CNTNAP2: variants seen among roughly 807,000 people sequenced by gnomAD.
CNTNAP2 encodes contactin-associated protein-like 2.
Under a neutral mutation model 155.2 loss-of-function variants are expected in CNTNAP2, and 98 were observed. That is an observed-to-expected ratio of 0.63 (90% confidence interval 0.54 to 0.75). The LOEUF (loss-of-function observed/expected upper bound fraction) is 0.75, where lower values mean the gene tolerates loss of function less well. Among genes scored for constraint, CNTNAP2 ranks in the 30% least tolerant of loss-of-function variants. The pLI is 0.00. For missense variants in CNTNAP2, 1,727 were observed against 1,688.1 expected (o/e 1.02, Z -0.40); for synonymous variants, 651 against 631.2 (o/e 1.03, Z -0.47).
chr7:148,129,785 C>A (rs749742452), intron 16 of CNTNAP2, among the ~76,000 whole-genome samples: 2 of 152,198 alleles, frequency 1.3e-5, no homozygotes, highest in Non-Finnish European at 1.5e-5. Flanking sequence ...ATGAACAATT[C>A]GGCAAACCTG....
At chr7:147,863,050 A>C (rs1799164517) in intron 13 of CNTNAP2, among the ~76,000 whole-genome samples, 1 of 152,030 alleles carries the variant, frequency 6.6e-6, no homozygotes. Context: ...CATTTATTTT[A>C]GGTATTTCTC....
intron 1 of CNTNAP2, among the ~76,000 whole-genome samples, chr7:146,738,519 C>A (rs966269699): frequency 6.6e-6 from 1 of 151,740 alleles, no homozygotes; most frequent in African/African-American, 2.4e-5. Flanking sequence ...ATGTTTCATG[C>A]GTTCCCATTT....
intron 12 of CNTNAP2, among the ~76,000 whole-genome samples, chr7:147,631,018 A>C (rs1245877250): frequency 6.6e-6 from 1 of 152,184 alleles, no homozygotes; most frequent in African/African-American, 2.4e-5. Context: ...GAATCTGTAA[A>C]GAGGAAATTA....
At chr7:147,767,547 T>A (rs1271324907) in intron 13 of CNTNAP2, among the ~76,000 whole-genome samples, 1 of 152,140 alleles carries the variant, frequency 6.6e-6, no homozygotes, top group Non-Finnish European at 1.5e-5. Flanking sequence ...TTTATTTTAC[T>A]GCTTATTATT....
chr7:146,359,911 C>T (rs769109724), intron 1 of CNTNAP2, among the ~76,000 whole-genome samples: 14 of 152,078 alleles, frequency 9.2e-5, no homozygotes, highest in South Asian at 2.1e-4. Context: ...CCCTTTTAAT[C>T]CAGAGTAAAG....
At chr7:147,706,743 C>T (rs1283912311) in intron 13 of CNTNAP2, among the ~76,000 whole-genome samples, 4 of 152,142 alleles carry the variant, frequency 2.6e-5, no homozygotes, top group Non-Finnish European at 5.9e-5. Flanking sequence ...GTTTTCTCTT[C>T]ACCTTCTACA....
At chr7:147,982,017 G>A (rs1006781016) in intron 15 of CNTNAP2, among the ~76,000 whole-genome samples, 4 of 152,058 alleles carry the variant, frequency 2.6e-5, no homozygotes, top group Non-Finnish European at 5.9e-5. Flanking sequence ...AAAAATCAAT[G>A]ATCAGGTAGA....
intron 15 of CNTNAP2, among the ~76,000 whole-genome samples, chr7:148,052,424 G>T: frequency 6.7e-6 from 1 of 149,078 alleles, no homozygotes; most frequent in African/African-American, 2.5e-5. Context: ...TCCAATCAAA[G>T]AAATACAAAC....
At chr7:146,286,494 A>G (rs1800339285) in intron 1 of CNTNAP2, among the ~76,000 whole-genome samples, 2 of 152,086 alleles carry the variant, frequency 1.3e-5, no homozygotes, top group African/African-American at 4.8e-5. Flanking sequence ...CTTTAGAGCA[A>G]TTTACCAAAT....
chr7:147,813,284 A>T (rs1156714222), intron 13 of CNTNAP2, among the ~76,000 whole-genome samples: 1 of 152,138 alleles, frequency 6.6e-6, no homozygotes, highest in Non-Finnish European at 1.5e-5. Context: ...AAAACATCAC[A>T]TTTTTTACCA....
In CNTNAP2 at chr7:147,717,792, T is replaced by C. The variant is rs144573029; in HGVS notation, c.2098+78486T>C. On this transcript the variant is annotated intron_variant, in intron 13 of 23. Coordinates refer to ENST00000361727, the MANE Select transcript of CNTNAP2 (RefSeq NM_014141.6). ...GTTTTAGCTGCTCAAGAGGCGGAGG[T>C]GGGAGGGGTGCTTGAGTCCAGGAGT... is the stretch of plus-strand genomic sequence containing the variant. Among the ~76,000 whole-genome samples the C allele has an allele frequency of 4.1e-3, 624 of 151,342 alleles. 17 individuals carry two copies. The East Asian group carries it at 0.078, about 19-fold the overall frequency.
chr7:147,906,193 A>G (rs1799954635), intron 14 of CNTNAP2, among the ~76,000 whole-genome samples: 1 of 151,290 alleles, frequency 6.6e-6, no homozygotes, highest in African/African-American at 2.4e-5. Context: ...CAGGTTGAAA[A>G]CATAGATTTT....
intron 4 of CNTNAP2, among the ~76,000 whole-genome samples, chr7:147,071,522 C>A (rs150100988): frequency 2.2e-3 from 333 of 152,176 alleles, no homozygotes; most frequent in African/African-American, 7.6e-3. Flanking sequence ...AGCTTCATAT[C>A]AATTTTTGTA....
At chr7:148,217,067 G>A (rs1381539858) in intron 18 of CNTNAP2, among the ~76,000 whole-genome samples, 1 of 151,038 alleles carries the variant, frequency 6.6e-6, no homozygotes, top group African/African-American at 2.4e-5. Flanking sequence ...GTCTTTATTA[G>A]CAGCGTGGGA....
intron 15 of CNTNAP2, among the ~76,000 whole-genome samples, chr7:148,005,026 C>T (rs1247032769): frequency 6.6e-6 from 1 of 152,218 alleles, no homozygotes; most frequent in Non-Finnish European, 1.5e-5. Context: ...CCCATATTCA[C>T]AGTTACAGAC....
At chr7:146,823,197 T>G (rs1012807913) in intron 2 of CNTNAP2, among the ~76,000 whole-genome samples, 1 of 149,490 alleles carries the variant, frequency 6.7e-6, no homozygotes, top group African/African-American at 2.5e-5. Flanking sequence ...ATATACTCAT[T>G]CTTCAGTATA....
chr7:147,331,556 A>G (rs1584879060), intron 9 of CNTNAP2, among the ~76,000 whole-genome samples: 1 of 152,036 alleles, frequency 6.6e-6, no homozygotes, highest in Admixed American at 6.6e-5. Flanking sequence ...AGCAGTACCA[A>G]CCAAGCAGTG....
At chr7:146,290,757 T>C (rs17170025) in intron 1 of CNTNAP2, among the ~76,000 whole-genome samples, 9,276 of 152,268 alleles carry the variant, frequency 0.061, 959 homozygotes, top group African/African-American at 0.21. Context: ...TAATTTATGA[T>C]GTAAGAAGTT....
At chr7:146,999,483 C>G (rs1311525038) in intron 3 of CNTNAP2, among the ~76,000 whole-genome samples, 1 of 151,996 alleles carries the variant, frequency 6.6e-6, no homozygotes, top group Non-Finnish European at 1.5e-5. Flanking sequence ...ACTTACATTA[C>G]AGTGAGTTTT....
Sources: gnomAD v4.1 joint callset for allele counts (sites outside exome capture counted in the v4.1 genomes callset) on GRCh38, gnomAD v4.1.1 for gene constraint, MANE v1.5 for transcripts, NCBI Gene and HGNC (gene_info 2026-07-23, HGNC 2026-07-21) for gene names.